Variants in RANBP2 observed in about 807,000 individuals in gnomAD.
RANBP2 encodes the protein E3 SUMO-protein ligase RanBP2.
In RANBP2, 57 loss-of-function variants were observed where a neutral mutation model predicts 303.6. That is an observed-to-expected ratio of 0.19 (90% CI 0.15 to 0.23). The LOEUF (loss-of-function observed/expected upper bound fraction) is 0.23, where lower values mean the gene tolerates loss of function less well. Ranked by LOEUF, RANBP2 falls within the 10% of genes least tolerant of loss-of-function variation. The pLI is 1.00. For synonymous variants in RANBP2, 1,167 were observed against 1,301.5 expected (o/e 0.90, Z 2.23); for missense variants, 3,138 against 3,780.8 (o/e 0.83, Z 4.46).
the RANBP2 span, chr2:109,545,769 C>G: frequency 2.8e-6 from 4 of 1,426,650 alleles, no homozygotes; most frequent in South Asian, 1.6e-5. Context: ...CCATTTTCCC[C>G]CAGCTAACTG....
At chr2:109,506,307 G>C in the RANBP2 span, among the ~76,000 whole-genome samples, 2 of 152,356 alleles carry the variant, frequency 1.3e-5, no homozygotes, top group East Asian at 3.9e-4. Context: ...TCTTTCTCGG[G>C]AGAAAGGCTC....
the RANBP2 span, among the ~76,000 whole-genome samples, chr2:108,826,918 G>T: frequency 6.6e-6 from 1 of 152,052 alleles, no homozygotes; most frequent in African/African-American, 2.4e-5. Context: ...ATTTCTTTCA[G>T]CTATATTTTC....
intron 17 of RANBP2, among the ~76,000 whole-genome samples, chr2:108,756,269 A>G (rs1445157948): frequency 6.6e-6 from 1 of 152,232 alleles, no homozygotes; most frequent in African/African-American, 2.4e-5. Flanking sequence ...TCTGAGCTTC[A>G]AAAAGTCTTA....
At chr2:109,015,944 C>G in the RANBP2 span, among the ~76,000 whole-genome samples, 6 of 152,248 alleles carry the variant, frequency 3.9e-5, no homozygotes, top group South Asian at 1.2e-3. Flanking sequence ...GGGGTCGGTG[C>G]CCCCACTTCA....
chr2:109,595,913 G>A, the RANBP2 span, among the ~76,000 whole-genome samples: 5 of 152,142 alleles, frequency 3.3e-5, no homozygotes, highest in Non-Finnish European at 5.9e-5. Flanking sequence ...CGTTAATTCC[G>A]GACCTAACAT....
At chr2:109,050,262 T>C in the RANBP2 span, among the ~76,000 whole-genome samples, 1 of 142,482 alleles carries the variant, frequency 7.0e-6, no homozygotes, top group Admixed American at 6.9e-5. Context: ...TTCTTTTTAC[T>C]TTTTTTTTTT....
At chr2:109,703,591 A>G in the RANBP2 span, among the ~76,000 whole-genome samples, 2 of 151,842 alleles carry the variant, frequency 1.3e-5, no homozygotes, top group African/African-American at 4.8e-5. Flanking sequence ...ACCACGCCCA[A>G]CTAATTTTTG....
At chr2:108,917,521 C>A in the RANBP2 span, among the ~76,000 whole-genome samples, 1 of 152,116 alleles carries the variant, frequency 6.6e-6, no homozygotes, top group South Asian at 2.1e-4. Flanking sequence ...ACTCTGTACC[C>A]CATAAACATG....
the RANBP2 span, chr2:108,910,524 C>A: frequency 2.5e-6 from 4 of 1,612,870 alleles, no homozygotes; most frequent in Non-Finnish European, 3.4e-6. Context: ...GAGAACATCA[C>A]CACGTTGTCT....
At chr2:109,074,598 G>T in the RANBP2 span, among the ~76,000 whole-genome samples, 1 of 150,164 alleles carries the variant, frequency 6.7e-6, no homozygotes, top group Non-Finnish European at 1.5e-5. Context: ...CTACTTGGGA[G>T]GCTGAGGCAG....
intron 2 of RANBP2, among the ~76,000 whole-genome samples, chr2:108,730,400 A>G (rs1695071974): frequency 6.6e-6 from 1 of 151,868 alleles, no homozygotes; most frequent in South Asian, 2.1e-4. Context: ...AGTATTTTGC[A>G]TTATGATAAC....
the RANBP2 span, among the ~76,000 whole-genome samples, chr2:108,796,334 G>A: frequency 2.6e-5 from 4 of 151,770 alleles, no homozygotes; most frequent in East Asian, 1.9e-4. Context: ...GATTACAGGC[G>A]TGAGCCACCG....
the RANBP2 span, among the ~76,000 whole-genome samples, chr2:109,100,109 T>C: frequency 6.6e-6 from 1 of 152,248 alleles, no homozygotes; most frequent in East Asian, 1.9e-4. Flanking sequence ...AGATAATTAA[T>C]AGATAGTTTA....
At position 108,768,192 on chromosome 2, in the gene RANBP2, A is replaced by C; in HGVS notation, c.7653A>C (p.Ala2551=). The C allele has an allele frequency of 6.2e-7, 1 of 1,612,042 alleles. No individual in the cohort carries two copies. Among genetic ancestry groups the C allele is most frequent in the Non-Finnish European group, 8.5e-7 (1 of 1,179,870 alleles). The change falls in exon 20 of 29, where the codon GCA becomes GCC. Residue 2551 remains alanine (A), a synonymous_variant. Coordinates refer to ENST00000283195, the MANE Select transcript of RANBP2 (RefSeq NM_006267.5). ...TGSLFGFSFN[A]PLKSNNSETS... Reference sequence around the variant, plus strand: ...CTTTGTTTGGATTTAGTTTTAATGCACCTTTGAAAAGTAACAATAGTGAAA... The same window carrying C: ...CTTTGTTTGGATTTAGTTTTAATGCCCCTTTGAAAAGTAACAATAGTGAAA...
the RANBP2 span, among the ~76,000 whole-genome samples, chr2:108,871,995 CCT>C: frequency 3.9e-5 from 6 of 152,178 alleles, no homozygotes; most frequent in East Asian, 9.7e-4. Context: ...TTTTAATTCC[CCT>C]CTCTCACACG....
chr2:109,103,586 G>A, the RANBP2 span, among the ~76,000 whole-genome samples: 8 of 152,136 alleles, frequency 5.3e-5, no homozygotes, highest in Admixed American at 5.2e-4. Context: ...GAAATGCTTG[G>A]GGTTAAGATA....
At chr2:108,963,497 T>TC in the RANBP2 span, among the ~76,000 whole-genome samples, 6 of 152,138 alleles carry the variant, frequency 3.9e-5, no homozygotes, top group African/African-American at 1.4e-4. Context: ...AGATCCCATG[T>TC]CCCCGTTACC....
the RANBP2 span, among the ~76,000 whole-genome samples, chr2:109,255,228 G>A: frequency 6.6e-6 from 1 of 152,186 alleles, no homozygotes; most frequent in Non-Finnish European, 1.5e-5. Context: ...TGGGGCTTCG[G>A]AATAGTGCAT....
the RANBP2 span, among the ~76,000 whole-genome samples, chr2:109,392,139 C>T: frequency 2.0e-5 from 3 of 152,184 alleles, no homozygotes; most frequent in African/African-American, 7.2e-5. Flanking sequence ...TTTTTAAAGA[C>T]CCACATTTGA....
Sources: allele counts gnomAD v4.1 joint callset (sites outside exome capture counted in the v4.1 genomes callset), GRCh38; gene constraint gnomAD v4.1.1; transcripts MANE v1.5; gene names NCBI Gene and HGNC (gene_info 2026-07-23, HGNC 2026-07-21).